CCL28: variants seen among roughly 807,000 people sequenced by gnomAD.
CCL28 encodes C-C motif chemokine 28.
Under a neutral mutation model 7.1 loss-of-function variants are expected in CCL28, and 4 were observed. That is an observed-to-expected ratio of 0.56 (90% CI 0.28 to 1.29). CCL28 has a LOEUF of 1.29. CCL28 is among the 50% of genes most tolerant of loss of function. CCL28 has a pLI of 0.11. For synonymous variants in CCL28, 55 were observed against 57.8 expected (o/e 0.95, Z 0.22); for missense variants, 151 against 163.4 (o/e 0.92, Z 0.41).
chr5:43,368,918 C>A, the CCL28 span, among the ~76,000 whole-genome samples: 1 of 146,112 alleles, frequency 6.8e-6, no homozygotes, highest in Admixed American at 7.0e-5. Flanking sequence ...GTTAAGCCAC[C>A]TAGTTTGTGG....
chr5:43,398,707 C>T (rs10062256), intron 1 of CCL28, among the ~76,000 whole-genome samples: 13,386 of 152,074 alleles, frequency 0.088, 1,004 homozygotes, highest in African/African-American at 0.2. Context: ...AAAAATTAGC[C>T]GGGCATGGTG....
chr5:43,365,609 C>T, the CCL28 span, among the ~76,000 whole-genome samples: 1 of 152,074 alleles, frequency 6.6e-6, no homozygotes, highest in Admixed American at 6.6e-5. Context: ...TTCATTTCAA[C>T]CTTGGTGAAT....
intron 1 of CCL28, among the ~76,000 whole-genome samples, chr5:43,394,767 TTC>T (rs1171483255): frequency 3.3e-5 from 5 of 152,182 alleles, no homozygotes; most frequent in African/African-American, 9.6e-5. Context: ...TAAAGGATTT[TTC>T]TCTTTTAAAA....
downstream of CCL28, among the ~76,000 whole-genome samples, chr5:43,376,023 G>A (rs938798265): frequency 7.2e-5 from 11 of 152,176 alleles, no homozygotes; most frequent in African/African-American, 9.6e-5. Context: ...CAACAAGAGC[G>A]AAACTCTGTC....
In CCL28 at chr5:43,404,837, C is replaced by CA. The variant is rs1293862236; in HGVS notation, c.64+7415dup. On this transcript the variant is annotated intron_variant, in intron 1 of 2. Transcript: ENST00000361115. Reference sequence around the variant, plus strand: ...GAAGATCTACCAAGCAAATGGAAAACAAAAAAAACAGGGTTGCAATCCTAG... The same window carrying CA: ...GAAGATCTACCAAGCAAATGGAAAACAAAAAAAAACAGGGTTGCAATCCTAG... 4.0e-5 allele frequency among the ~76,000 whole-genome samples: 6 copies of CA among 151,224 alleles called. No individual in the cohort carries two copies. In the East Asian group the frequency reaches 5.8e-4, roughly 15 times the overall value.
intron 1 of CCL28, among the ~76,000 whole-genome samples, chr5:43,393,248 G>T (rs1740653728): frequency 6.6e-6 from 1 of 152,130 alleles, no homozygotes; most frequent in South Asian, 2.1e-4. Flanking sequence ...TGCCCAGGCT[G>T]GTCTCCAAGT....
intron 1 of CCL28, among the ~76,000 whole-genome samples, chr5:43,409,917 TGCCCTACCTTTGGGCAGAATCCAA>T (rs1364663733): frequency 1.3e-5 from 2 of 152,088 alleles, no homozygotes; most frequent in East Asian, 3.8e-4. Flanking sequence ...AGGTGGAGTG[TGCCCTACCTTTGGGCAGAATCCAA>T]GGCTTTTAAT....
intron 1 of CCL28, among the ~76,000 whole-genome samples, chr5:43,406,552 G>C (rs1250187169): frequency 6.6e-6 from 1 of 152,210 alleles, no homozygotes; most frequent in Non-Finnish European, 1.5e-5. Flanking sequence ...TACGGAATGG[G>C]CAAAAACTGG....
the CCL28 span, among the ~76,000 whole-genome samples, chr5:43,370,413 ATGATACAC>A: frequency 6.6e-6 from 1 of 152,134 alleles, no homozygotes; most frequent in Admixed American, 6.5e-5. Flanking sequence ...GGTGGTTGGC[ATGATACAC>A]CCAGGAATGG....
At chr5:43,359,846 T>C in the CCL28 span, among the ~76,000 whole-genome samples, 1 of 152,216 alleles carries the variant, frequency 6.6e-6, no homozygotes, top group East Asian at 1.9e-4. Flanking sequence ...CTGTGACTCA[T>C]GACTCAAAAT....
At chr5:43,365,755 T>C in the CCL28 span, among the ~76,000 whole-genome samples, 1 of 152,240 alleles carries the variant, frequency 6.6e-6, no homozygotes, top group Non-Finnish European at 1.5e-5. Context: ...AAGAGTGTTT[T>C]CCAACTTGGT....
intron 1 of CCL28, among the ~76,000 whole-genome samples, chr5:43,393,416 A>G (rs1161376393): frequency 2.6e-5 from 4 of 151,390 alleles, no homozygotes; most frequent in African/African-American, 7.3e-5. Context: ...GGGCAGTGGC[A>G]CAATCTCGGC....
At chr5:43,405,420 C>T (rs1393592532) in intron 1 of CCL28, among the ~76,000 whole-genome samples, 3 of 152,112 alleles carry the variant, frequency 2.0e-5, no homozygotes, top group African/African-American at 7.2e-5. Flanking sequence ...AAAATGAAGG[C>T]AGAAATAAAG....
At chr5:43,392,857 T>C (rs576879197) in intron 1 of CCL28, among the ~76,000 whole-genome samples, 5 of 152,216 alleles carry the variant, frequency 3.3e-5, no homozygotes, top group Admixed American at 1.3e-4. Flanking sequence ...GGGATACTTA[T>C]CTCTTCTCAG....
chr5:43,366,514 G>C, the CCL28 span, among the ~76,000 whole-genome samples: 1 of 152,154 alleles, frequency 6.6e-6, no homozygotes. Context: ...TTCTTCCTCT[G>C]GAAGCTTCAT....
At chr5:43,409,117 GA>G (rs1024394240) in intron 1 of CCL28, among the ~76,000 whole-genome samples, 1 of 152,004 alleles carries the variant, frequency 6.6e-6, no homozygotes, top group Non-Finnish European at 1.5e-5. Context: ...ATCTCTACAA[GA>G]AAAATTTTTT....
At chr5:43,404,873 GAC>G (rs943363558) in intron 1 of CCL28, among the ~76,000 whole-genome samples, 1 of 152,084 alleles carries the variant, frequency 6.6e-6, no homozygotes, top group Non-Finnish European at 1.5e-5. Flanking sequence ...TCTCTGATAA[GAC>G]AGACTTTAAA....
chr5:43,403,965 A>T lies in CCL28; in HGVS notation c.64+8288T>A, dbSNP rs534876316. Among the ~76,000 whole-genome samples, 582 of 152,290 alleles carry T rather than the reference A, an allele frequency of 3.8e-3. 2 individuals are homozygous for T. Among genetic ancestry groups the T allele is most frequent in the Admixed American group, 5.4e-3 (83 of 15,288 alleles). ...GAGAAGAGAAGTTTAGAGAAAAAAG[A>T]ATAAAAAGAAATGAACAAAGCCTCC... On this transcript the variant is annotated intron_variant, in intron 1 of 2. Transcript: ENST00000361115.
the CCL28 span, among the ~76,000 whole-genome samples, chr5:43,365,698 T>C: frequency 6.6e-6 from 1 of 152,336 alleles, no homozygotes; most frequent in South Asian, 2.1e-4. Flanking sequence ...AACTTGAATG[T>C]TGTCCTGTCT....
Sources: gnomAD v4.1 joint callset for allele counts (sites outside exome capture counted in the v4.1 genomes callset) on GRCh38, gnomAD v4.1.1 for gene constraint, MANE v1.5 for transcripts, NCBI Gene and HGNC (gene_info 2026-07-23, HGNC 2026-07-21) for gene names.